Variants in PRICKLE1 observed in about 807,000 individuals in gnomAD.
PRICKLE1 encodes the protein prickle-like protein 1.
PRICKLE1 carries 14 observed loss-of-function variants against 70.2 expected under a neutral mutation model. That is an observed-to-expected ratio of 0.20 (90% CI 0.13 to 0.31). PRICKLE1 has a LOEUF of 0.31. Among genes scored for constraint, PRICKLE1 ranks in the 10% least tolerant of loss-of-function variants. The probability of loss-of-function intolerance (pLI) is 1.00; values close to 1 mark genes in which losing one functional copy is unlikely to be tolerated. For missense variants in PRICKLE1, 821 were observed against 1,026.2 expected, an observed-to-expected ratio of 0.80 and a Z score of 2.73; for synonymous variants, 357 against 379.9, an observed-to-expected ratio of 0.94 and a Z score of 0.70.
In PRICKLE1 at chr12:42,545,341, G is replaced by A. The variant is rs569332435; in HGVS notation, c.-49+44124C>T. Among the ~76,000 whole-genome samples the A allele has an allele frequency of 2.6e-5, 4 of 152,224 alleles. No individual in the cohort carries two copies. The South Asian group carries it at 6.2e-4, about 24-fold the overall frequency. ...TTTAACAGCACCTAGCACATAGTTA[G>A]TAGGCACTGAAAAAAACTTGTTGAA... On this transcript the variant is annotated intron_variant, in intron 1 of 7. Transcript: ENST00000345127.
intron 1 of PRICKLE1, among the ~76,000 whole-genome samples, chr12:42,577,380 A>T (rs1940820705): frequency 6.6e-6 from 1 of 152,116 alleles, no homozygotes; most frequent in Non-Finnish European, 1.5e-5. Context: ...ATATTCTGTT[A>T]GGCCCTCAGG....
intron 1 of PRICKLE1, among the ~76,000 whole-genome samples, chr12:42,531,199 A>C (rs1053807489): frequency 6.6e-6 from 1 of 151,660 alleles, no homozygotes; most frequent in African/African-American, 2.4e-5. Flanking sequence ...GGTGCCCGCC[A>C]CCACGCCCAG....
intron 1 of PRICKLE1, among the ~76,000 whole-genome samples, chr12:42,502,521 G>A (rs1050818081): frequency 2.7e-4 from 41 of 151,926 alleles, no homozygotes; most frequent in African/African-American, 9.7e-4. Flanking sequence ...GTCTTGCCCA[G>A]GCTGATCTTG....
intron 1 of PRICKLE1, chr12:42,482,738 T>C (rs986367139): frequency 2.0e-5 from 3 of 152,348 alleles, no homozygotes; most frequent in East Asian, 1.9e-4. Flanking sequence ...GGCCGAGCTT[T>C]TAAAAATGGG....
chr12:42,491,123 C>T (rs1196104259), intron 1 of PRICKLE1, among the ~76,000 whole-genome samples: 1 of 151,092 alleles, frequency 6.6e-6, no homozygotes, highest in African/African-American at 2.4e-5. Context: ...GATCTGCCCG[C>T]CTCAGCCTCC....
intron 1 of PRICKLE1, among the ~76,000 whole-genome samples, chr12:42,573,522 T>C (rs1940756800): frequency 6.6e-6 from 1 of 152,192 alleles, no homozygotes; most frequent in African/African-American, 2.4e-5. Flanking sequence ...AGTATTTTAT[T>C]CTAAGATAAA....
chr12:42,473,608 T>C (rs117104573), intron 1 of PRICKLE1, among the ~76,000 whole-genome samples: 126 of 152,330 alleles, frequency 8.3e-4, no homozygotes, highest in South Asian at 4.4e-3. Context: ...AGCTTTTTTA[T>C]ACCTGGGCCT....
chr12:42,582,710 G>A lies in PRICKLE1; in HGVS notation c.-49+6755C>T, dbSNP rs114285587. ...CACACTACATAGCACAAGCTTGTCC[G>A]ACCCACGGACCGTGGGCCACATGCA... On this transcript the variant is annotated intron_variant, in intron 1 of 7. Coordinates refer to ENST00000345127, the MANE Select transcript of PRICKLE1 (RefSeq NM_153026.3). Among the ~76,000 whole-genome samples, 491 of 152,300 alleles carry A rather than the reference G, an allele frequency of 3.2e-3. 3 individuals carry two copies. The highest frequency in any genetic ancestry group is 0.011 in the African/African-American group (463 of 41,566).
intron 1 of PRICKLE1, among the ~76,000 whole-genome samples, chr12:42,548,050 T>C (rs2120635810): frequency 6.6e-6 from 1 of 152,234 alleles, no homozygotes; most frequent in South Asian, 2.1e-4. Context: ...TTTTGTTTGT[T>C]TGTTTTGTGT....
chr12:42,529,394 C>A (rs1298207932), intron 1 of PRICKLE1, among the ~76,000 whole-genome samples: 1 of 147,756 alleles, frequency 6.8e-6, no homozygotes, highest in Non-Finnish European at 1.5e-5. Flanking sequence ...AATTTTAGTA[C>A]TTCTAACTGC....
At chr12:42,570,266 G>T (rs1356001418) in intron 1 of PRICKLE1, among the ~76,000 whole-genome samples, 1 of 152,154 alleles carries the variant, frequency 6.6e-6, no homozygotes, top group Non-Finnish European at 1.5e-5. Context: ...AAGTAATTTT[G>T]TGATAAAATT....
At chr12:42,469,957 T>C (rs1938249883) in intron 3 of PRICKLE1, 2 of 494,634 alleles carry the variant, frequency 4.0e-6, no homozygotes, top group Non-Finnish European at 7.3e-6. Flanking sequence ...CATAAAGCAT[T>C]CACTCTGGAT....
chr12:42,532,534 T>G (rs2924131), intron 1 of PRICKLE1, among the ~76,000 whole-genome samples: 5 of 152,204 alleles, frequency 3.3e-5, no homozygotes, highest in Admixed American at 6.5e-5. Context: ...TTAGCTCAAC[T>G]TATTTGAAAT....
At chr12:42,519,314 G>C (rs1413293152) in intron 1 of PRICKLE1, among the ~76,000 whole-genome samples, 2 of 145,356 alleles carry the variant, frequency 1.4e-5, no homozygotes, top group African/African-American at 5.1e-5. Flanking sequence ...CTCCTGCCTC[G>C]GCCTCCCGAG....
intron 7 of PRICKLE1, among the ~76,000 whole-genome samples, chr12:42,460,993 T>C (rs1937811053): frequency 6.6e-6 from 1 of 152,198 alleles, no homozygotes; most frequent in Non-Finnish European, 1.5e-5. Context: ...GCAGTTTTCC[T>C]GCCTCAACCT....
At chr12:42,525,839 TA>T (rs1939790571) in intron 1 of PRICKLE1, among the ~76,000 whole-genome samples, 1 of 151,930 alleles carries the variant, frequency 6.6e-6, no homozygotes, top group South Asian at 2.1e-4. Context: ...ATGTAGGCAG[TA>T]AAAGTGATAA....
chr12:42,573,587 T>C (rs1940757699), intron 1 of PRICKLE1, among the ~76,000 whole-genome samples: 1 of 152,178 alleles, frequency 6.6e-6, no homozygotes, highest in African/African-American at 2.4e-5. Flanking sequence ...ATTATTATTT[T>C]GGGACAGGGT....
chr12:42,541,211 G>A (rs1037825521), intron 1 of PRICKLE1, among the ~76,000 whole-genome samples: 1 of 152,026 alleles, frequency 6.6e-6, no homozygotes, highest in Non-Finnish European at 1.5e-5. Flanking sequence ...AGAAGTTGGC[G>A]ATTATATGCA....
intron 1 of PRICKLE1, among the ~76,000 whole-genome samples, chr12:42,499,082 C>A (rs564132753): frequency 6.6e-6 from 1 of 152,112 alleles, no homozygotes; most frequent in Non-Finnish European, 1.5e-5. Context: ...CACAATAGTG[C>A]CAAATGAACC....
Sources: allele counts gnomAD v4.1 joint callset (sites outside exome capture counted in the v4.1 genomes callset), GRCh38; gene constraint gnomAD v4.1.1; transcripts MANE v1.5; gene names NCBI Gene and HGNC (gene_info 2026-07-23, HGNC 2026-07-21).